The following KIAA1328 variants were observed in gnomAD, a reference collection of about 807,000 sequenced individuals.
KIAA1328 encodes KIAA1328.
A neutral mutation model predicts 68.1 loss-of-function variants in KIAA1328; 52 were observed. That is an observed-to-expected ratio of 0.76 (90% CI 0.61 to 0.96). The LOEUF (loss-of-function observed/expected upper bound fraction) is 0.96. KIAA1328 is among the 40% of genes least tolerant of loss of function. The pLI is 0.00. For missense variants in KIAA1328, 641 were observed against 677.6 expected (o/e 0.95, Z 0.60); for synonymous variants, 232 against 239.4 (o/e 0.97, Z 0.28).
At chr18:37,136,572 C>T (rs137938380) in intron 7 of KIAA1328, among the ~76,000 whole-genome samples, 2,953 of 152,314 alleles carry the variant, frequency 0.019, 38 homozygotes, top group Non-Finnish European at 0.031. Context: ...ATACTTGTTT[C>T]ATCAGTATAT....
intron 6 of KIAA1328, among the ~76,000 whole-genome samples, chr18:36,990,598 G>A (rs2053135638): frequency 6.6e-6 from 1 of 151,994 alleles, no homozygotes; most frequent in South Asian, 2.1e-4. Context: ...TTGAACCCAG[G>A]AGGTGGAGGC....
intron 7 of KIAA1328, among the ~76,000 whole-genome samples, chr18:37,135,885 C>G (rs1334327787): frequency 6.6e-6 from 1 of 152,074 alleles, no homozygotes; most frequent in African/African-American, 2.4e-5. Context: ...TAGCCGGTTA[C>G]CCAATCATCA....
At chr18:37,065,131 G>A (rs1204962970) in intron 6 of KIAA1328, among the ~76,000 whole-genome samples, 1 of 152,184 alleles carries the variant, frequency 6.6e-6, no homozygotes, top group Non-Finnish European at 1.5e-5. Flanking sequence ...CTATTTCAGA[G>A]GATATGGATA....
At chr18:36,929,833 A>G (rs2050249628) in intron 5 of KIAA1328, among the ~76,000 whole-genome samples, 1 of 152,092 alleles carries the variant, frequency 6.6e-6, no homozygotes, top group South Asian at 2.1e-4. Context: ...AGCTGCCAGA[A>G]CTGTGAGAAA....
chr18:36,829,508 C>G, intron 1 of KIAA1328: 1 of 1,123,480 alleles, frequency 8.9e-7, no homozygotes, highest in Non-Finnish European at 1.1e-6. Context: ...CGAGGTCCCT[C>G]TGCCCACCCT....
At chr18:36,908,940 T>C (rs576606617) in intron 5 of KIAA1328, among the ~76,000 whole-genome samples, 1 of 152,248 alleles carries the variant, frequency 6.6e-6, no homozygotes, top group Non-Finnish European at 1.5e-5. Flanking sequence ...GAGTAAGCTT[T>C]CTTATCCTAG....
At chr18:37,145,984 G>A (rs1326635386) in intron 7 of KIAA1328, among the ~76,000 whole-genome samples, 2 of 151,904 alleles carry the variant, frequency 1.3e-5, no homozygotes, top group African/African-American at 4.8e-5. Context: ...CTACCATTTT[G>A]CTTCCCCCGC....
intron 9 of KIAA1328, among the ~76,000 whole-genome samples, chr18:37,216,839 A>G (rs2060445070): frequency 6.8e-6 from 1 of 147,432 alleles, no homozygotes; most frequent in Admixed American, 6.7e-5. Context: ...TATATTTAGG[A>G]TAGTTAGCTC....
chr18:37,126,657 C>T (rs1354562889), intron 7 of KIAA1328, among the ~76,000 whole-genome samples: 1 of 152,126 alleles, frequency 6.6e-6, no homozygotes, highest in African/African-American at 2.4e-5. Context: ...AAGAAAAGAA[C>T]ACTACATACC....
At chr18:36,987,473 C>A in intron 6 of KIAA1328, among the ~76,000 whole-genome samples, 1 of 116,832 alleles carries the variant, frequency 8.6e-6, no homozygotes, top group Admixed American at 1.0e-4. Context: ...TACCCTAAAA[C>A]TTAGAGTATA....
intron 7 of KIAA1328, among the ~76,000 whole-genome samples, chr18:37,080,878 C>G (rs779217901): frequency 2.6e-5 from 4 of 151,672 alleles, no homozygotes; most frequent in Non-Finnish European, 5.9e-5. Context: ...TTATGTTGCT[C>G]TCATCCTAAA....
intron 6 of KIAA1328, among the ~76,000 whole-genome samples, chr18:36,983,374 A>C (rs1032323816): frequency 6.6e-6 from 1 of 152,048 alleles, no homozygotes; most frequent in Non-Finnish European, 1.5e-5. Context: ...ACTGTTTTTT[A>C]TCTACTTAAA....
At chr18:37,032,951 T>C (rs889811989) in intron 6 of KIAA1328, among the ~76,000 whole-genome samples, 2 of 152,218 alleles carry the variant, frequency 1.3e-5, no homozygotes, top group Non-Finnish European at 2.9e-5. Context: ...GCATGTTTTT[T>C]AAATAAATGA....
At chr18:37,148,910 A>C (rs938630863) in intron 7 of KIAA1328, among the ~76,000 whole-genome samples, 39 of 152,174 alleles carry the variant, frequency 2.6e-4, no homozygotes, top group African/African-American at 8.2e-4. Context: ...TTACCCCACT[A>C]TGTAGGTTGC....
chr18:37,084,996 G>A (rs1023226887), intron 7 of KIAA1328, among the ~76,000 whole-genome samples: 1 of 152,056 alleles, frequency 6.6e-6, no homozygotes, highest in Admixed American at 6.5e-5. Context: ...GTCTGCCTCA[G>A]GTTGAGACTA....
At chr18:37,195,709 C>T (rs1052874844) in intron 9 of KIAA1328, among the ~76,000 whole-genome samples, 19 of 152,028 alleles carry the variant, frequency 1.2e-4, no homozygotes, top group Non-Finnish European at 1.6e-4. Flanking sequence ...CTTTTTAGTA[C>T]GATTCAAAGT....
intron 5 of KIAA1328, chr18:36,895,717 T>C: frequency 2.2e-6 from 1 of 455,448 alleles, no homozygotes; most frequent in Non-Finnish European, 4.4e-6. Context: ...AAAATTCATA[T>C]GTTGAAGCTC....
chr18:36,849,094 T>C (rs1389102969), intron 4 of KIAA1328, among the ~76,000 whole-genome samples: 4 of 151,894 alleles, frequency 2.6e-5, no homozygotes, highest in Admixed American at 2.6e-4. Flanking sequence ...AGTTCAGTAG[T>C]GGTAAGTACA....
intron 9 of KIAA1328, among the ~76,000 whole-genome samples, chr18:37,217,148 G>T (rs1395467872): frequency 6.6e-6 from 1 of 151,644 alleles, no homozygotes; most frequent in African/African-American, 2.4e-5. Flanking sequence ...TCTTTTAATT[G>T]GGGCATTTAG....
Sources: allele counts gnomAD v4.1 joint callset (sites outside exome capture counted in the v4.1 genomes callset), GRCh38; gene constraint gnomAD v4.1.1; transcripts MANE v1.5; gene names NCBI Gene and HGNC (gene_info 2026-07-23, HGNC 2026-07-21).